The following AFG1L variants were observed in gnomAD, a reference collection of about 807,000 sequenced individuals.
The protein encoded by AFG1L is AFG1-like ATPase.
In AFG1L, 53 loss-of-function variants were observed where a neutral mutation model predicts 62.2. That is an observed-to-expected ratio of 0.85 (90% confidence interval 0.68 to 1.07). The LOEUF (loss-of-function observed/expected upper bound fraction) is 1.07, where lower values mean the gene tolerates loss of function less well. Among genes scored for constraint, AFG1L ranks in the 50% least tolerant of loss-of-function variants. AFG1L has a pLI of 0.00. For synonymous variants in AFG1L, 228 were observed against 210.3 expected, an observed-to-expected ratio of 1.08 and a Z score of -0.73; for missense variants, 555 against 590.5, an observed-to-expected ratio of 0.94 and a Z score of 0.62.
At chr6:108,457,937 A>C (rs1446555038) in intron 8 of AFG1L, among the ~76,000 whole-genome samples, 1 of 142,088 alleles carries the variant, frequency 7.0e-6, no homozygotes, top group Non-Finnish European at 1.5e-5. Context: ...TCCTTCCTTC[A>C]CTTTTTCTCT....
At chr6:108,339,004 A>G (rs1778576930) in intron 2 of AFG1L, among the ~76,000 whole-genome samples, 2 of 151,978 alleles carry the variant, frequency 1.3e-5, no homozygotes, top group Admixed American at 6.6e-5. Context: ...TCAAACTTTC[A>G]GATTTTTGCC....
chr6:108,463,661 T>A (rs150021742), intron 8 of AFG1L, among the ~76,000 whole-genome samples: 265 of 152,206 alleles, frequency 1.7e-3, no homozygotes, highest in African/African-American at 6.2e-3. Context: ...AGGTCAAGAT[T>A]AATGGAACCA....
chr6:108,369,861 C>A (rs1312990213), intron 6 of AFG1L, among the ~76,000 whole-genome samples: 1 of 152,130 alleles, frequency 6.6e-6, no homozygotes. Flanking sequence ...ACACCTGCCT[C>A]GGCCTCCCAA....
At chr6:108,314,646 G>A (rs1047270775) in intron 1 of AFG1L, among the ~76,000 whole-genome samples, 6 of 152,000 alleles carry the variant, frequency 3.9e-5, no homozygotes, top group Non-Finnish European at 7.4e-5. Flanking sequence ...CCATCCGCCC[G>A]CCTCGGCCTC....
intron 8 of AFG1L, among the ~76,000 whole-genome samples, chr6:108,472,134 T>TA (rs773173405): frequency 8.5e-5 from 13 of 152,074 alleles, no homozygotes; most frequent in Admixed American, 1.3e-4. Context: ...TGGGATCTTC[T>TA]AAAAAAGTCA....
At chr6:108,342,841 A>G (rs1399624621) in intron 2 of AFG1L, among the ~76,000 whole-genome samples, 1 of 152,144 alleles carries the variant, frequency 6.6e-6, no homozygotes, top group East Asian at 1.9e-4. Context: ...CGTCTTATAC[A>G]GTATTCATGT....
intron 5 of AFG1L, 50 bp from the exon 6 acceptor site, chr6:108,366,183 G>A: frequency 8.6e-7 from 1 of 1,159,218 alleles, no homozygotes; most frequent in Non-Finnish European, 1.3e-6. Context: ...TAGCAAATTT[G>A]TTACAGCAGA....
chr6:108,298,927 G>A (rs1776873621), intron 1 of AFG1L, among the ~76,000 whole-genome samples: 1 of 152,090 alleles, frequency 6.6e-6, no homozygotes, highest in Non-Finnish European at 1.5e-5. Context: ...GGAGAGCAGG[G>A]CAGCTGAGGG....
chr6:108,404,971 C>A (rs1180245910), intron 7 of AFG1L, among the ~76,000 whole-genome samples: 2 of 152,112 alleles, frequency 1.3e-5, no homozygotes, highest in African/African-American at 2.4e-5. Context: ...CTCAAGTGAT[C>A]TGCCTGCCTT....
intron 1 of AFG1L, among the ~76,000 whole-genome samples, chr6:108,296,303 T>C (rs1164585185): frequency 1.3e-5 from 2 of 152,188 alleles, no homozygotes; most frequent in African/African-American, 4.8e-5. Context: ...AATAAAGATA[T>C]AATGGAATAT....
At chr6:108,390,156 GA>G (rs1344931029) in intron 6 of AFG1L, among the ~76,000 whole-genome samples, 2 of 152,124 alleles carry the variant, frequency 1.3e-5, no homozygotes, top group African/African-American at 2.4e-5. Flanking sequence ...CCAGTTGATT[GA>G]ATCGGCTACT....
At chr6:108,319,755 T>G (rs1405003891) in intron 1 of AFG1L, 1 of 434,270 alleles carries the variant, frequency 2.3e-6, no homozygotes, top group African/African-American at 2.0e-5. Context: ...ACTACAGATG[T>G]GTGCCACTCC....
At chr6:108,391,941 G>A (rs1781075011) in intron 6 of AFG1L, 1 of 152,156 alleles carries the variant, frequency 6.6e-6, no homozygotes, top group South Asian at 2.1e-4. Context: ...TTTGCAACCA[G>A]CGTAGGTGTT....
chr6:108,373,383 G>A (rs1241648153), intron 6 of AFG1L, among the ~76,000 whole-genome samples: 1 of 152,108 alleles, frequency 6.6e-6, no homozygotes, highest in Non-Finnish European at 1.5e-5. Flanking sequence ...TTCTTTTTAT[G>A]GCTGTGTAGT....
intron 7 of AFG1L, among the ~76,000 whole-genome samples, chr6:108,420,156 AC>A (rs1301103317): frequency 6.6e-6 from 1 of 152,052 alleles, no homozygotes; most frequent in East Asian, 1.9e-4. Flanking sequence ...GCAGGGATTA[AC>A]CCTTTGTTAG....
chr6:108,432,667 T>C (rs990555555), intron 7 of AFG1L, among the ~76,000 whole-genome samples: 1 of 152,198 alleles, frequency 6.6e-6, no homozygotes, highest in Non-Finnish European at 1.5e-5. Context: ...GTAGTAGCCA[T>C]GTGGTTTGGA....
intron 1 of AFG1L, chr6:108,318,155 A>G (rs1582581260): frequency 4.9e-6 from 1 of 203,988 alleles, no homozygotes; most frequent in Admixed American, 5.6e-5. Flanking sequence ...TCATGCCAAG[A>G]TCAGGATAAG....
intron 7 of AFG1L, among the ~76,000 whole-genome samples, chr6:108,411,708 G>T (rs1689373521): frequency 6.6e-6 from 1 of 152,276 alleles, no homozygotes; most frequent in South Asian, 2.1e-4. Flanking sequence ...ACTGTTAGAA[G>T]GAAAACTAAC....
intron 6 of AFG1L, among the ~76,000 whole-genome samples, chr6:108,393,934 C>A (rs1403960385): frequency 6.6e-6 from 1 of 151,990 alleles, no homozygotes; most frequent in Non-Finnish European, 1.5e-5. Context: ...GAGACCATTG[C>A]CACAACTAAT....
Sources: allele counts gnomAD v4.1 joint callset (sites outside exome capture counted in the v4.1 genomes callset), GRCh38; gene constraint gnomAD v4.1.1; transcripts MANE v1.5; gene names NCBI Gene and HGNC (gene_info 2026-07-23, HGNC 2026-07-21).